Variants in GAK observed in about 807,000 individuals in gnomAD.
GAK encodes cyclin G associated kinase.
Under a neutral mutation model 143.9 loss-of-function variants are expected in GAK, and 79 were observed. The observed-to-expected ratio is 0.55, with a 90% CI of 0.46 to 0.66. GAK has a LOEUF of 0.66. Ranked by LOEUF, GAK falls within the 30% of genes least tolerant of loss-of-function variation. The pLI is 0.00. For synonymous variants in GAK, 881 were observed against 765.5 expected, an observed-to-expected ratio of 1.15 and a Z score of -2.49; for missense variants, 1,693 against 1,779.7, an observed-to-expected ratio of 0.95 and a Z score of 0.88.
At chr4:879,638 G>C (rs1191855037) in intron 15 of GAK, among the ~76,000 whole-genome samples, 1 of 152,180 alleles carries the variant, frequency 6.6e-6, no homozygotes, top group Non-Finnish European at 1.5e-5. Flanking sequence ...ATGCACCCGA[G>C]TGGGTTTTCA....
chr4:924,509 C>T (rs1191621055), intron 1 of GAK, among the ~76,000 whole-genome samples: 3 of 141,304 alleles, frequency 2.1e-5, no homozygotes, highest in African/African-American at 8.3e-5. Context: ...AAAAAATGTT[C>T]TCGGCACCTT....
At chr4:901,678 T>C (rs1719896505) in intron 5 of GAK, among the ~76,000 whole-genome samples, 1 of 152,144 alleles carries the variant, frequency 6.6e-6, no homozygotes. Context: ...GGGAGCAGGA[T>C]CTGAAACACA....
At chr4:889,253 C>G (rs1333350896) in intron 10 of GAK, among the ~76,000 whole-genome samples, 1 of 152,214 alleles carries the variant, frequency 6.6e-6, no homozygotes, top group African/African-American at 2.4e-5. Flanking sequence ...AATGGTCAAT[C>G]TGGGTGCGGA....
Position 859,619 on chromosome 4 carries a change from G to C in GAK, c.3270C>G (p.Ser1090Arg). 6.3e-7 allele frequency: 1 copy of C among 1,598,550 alleles called. No individual in the cohort carries two copies. Among genetic ancestry groups the C allele is most frequent in the Admixed American group, 1.7e-5 (1 of 59,760 alleles). ...PDPFADLGDLSSGLQGSPAGF... is the reference protein window; with the variant it reads ...PDPFADLGDLRSGLQGSPAGF... ...CCTCCACGTTACCTTGGAGGCCGGA[G>C]CTGAGGTCGCCAAGGTCAGCAAATG... The change falls in exon 24 of 28, where the codon AGC becomes AGG. Residue 1090 changes from serine to arginine, a missense_variant. By Grantham distance (110) the Ser-to-Arg change is moderately radical (BLOSUM62 -1). Coordinates refer to ENST00000314167, the MANE Select transcript of GAK (RefSeq NM_005255.4).
chr4:908,587 G>A lies in GAK; in HGVS notation c.382+3086C>T, dbSNP rs533940823. ...TGCTTGAGCTCGCGTGTTCAAGACC[G>A]GCCTGGCAACATAGTGAGACTCTGT... On this transcript the variant is annotated intron_variant, in intron 4 of 27. Coordinates refer to ENST00000314167, the MANE Select transcript of GAK (RefSeq NM_005255.4). 1.8e-4 allele frequency among the ~76,000 whole-genome samples: 26 copies of A among 142,540 alleles called. No individual in the cohort carries two copies. The East Asian group carries it at 3.2e-3, about 17-fold the overall frequency. 93.5% of individuals were successfully genotyped at this position (142,540 alleles called of 152,430 possible).
At chr4:868,976 A>G (rs1166974156) in intron 19 of GAK, 1 of 425,120 alleles carries the variant, frequency 2.4e-6, no homozygotes, top group Non-Finnish European at 4.4e-6. Context: ...TGCAGGGTAC[A>G]CATGAATGCA....
At chr4:874,049 G>A (rs1464168041) in intron 18 of GAK, among the ~76,000 whole-genome samples, 1 of 152,056 alleles carries the variant, frequency 6.6e-6, no homozygotes, top group African/African-American at 2.4e-5. Context: ...TCTGCCCTAG[G>A]GATTGGTACA....
intron 11 of GAK, 58 bp from the exon 12 acceptor site, chr4:884,144 C>T (rs1715760017): frequency 6.6e-7 from 1 of 1,508,508 alleles, no homozygotes; most frequent in Non-Finnish European, 9.2e-7. Context: ...AGTTAGGTCA[C>T]AGGGCTTAAG....
chr4:902,604 A>AAAAAAAAAAAAAC (rs1720112255), intron 5 of GAK, among the ~76,000 whole-genome samples: 4 of 149,746 alleles, frequency 2.7e-5, no homozygotes, highest in East Asian at 3.9e-4. Context: ...CTCAAAAAAA[A>AAAAAAAAAAAAAC]AAAAAAAAAA....
intron 11 of GAK, chr4:888,148 G>C (rs1240679175): frequency 3.3e-5 from 5 of 152,286 alleles, no homozygotes; most frequent in Non-Finnish European, 7.3e-5. Context: ...AGGGGCCGCA[G>C]TTCCTGCATC....
chr4:875,883 G>T (rs1221461077), intron 18 of GAK, among the ~76,000 whole-genome samples: 1 of 152,368 alleles, frequency 6.6e-6, no homozygotes, highest in East Asian at 1.9e-4. Flanking sequence ...TGGAGTTGCA[G>T]TGAGCCGAGA....
chr4:887,203 TCA>T (rs533823319), intron 11 of GAK: 86 of 132,094 alleles, frequency 6.5e-4, no homozygotes, highest in African/African-American at 2.4e-3. Flanking sequence ...GCTCGCGCAC[TCA>T]CGCGTACACA....
chr4:864,458 C>T (rs559945528), intron 23 of GAK, among the ~76,000 whole-genome samples: 3 of 152,338 alleles, frequency 2.0e-5, no homozygotes, highest in Non-Finnish European at 4.4e-5. Context: ...GGGGTGTTCG[C>T]TTTGACTGTG....
At chr4:911,950 G>C (rs548941139) in intron 3 of GAK, 163 bp from the exon 4 acceptor site, 20 of 567,520 alleles carry the variant, frequency 3.5e-5, no homozygotes, top group Non-Finnish European at 6.5e-5. Context: ...AGCAGTGGAC[G>C]ACCGAGAGAA....
At chr4:859,831 G>T in intron 23 of GAK, 109 bp from the exon 24 acceptor site, 1 of 786,320 alleles carries the variant, frequency 1.3e-6, no homozygotes, top group Non-Finnish European at 2.1e-6. Context: ...ACTCCTGCCT[G>T]AGAGCTGGCA....
At chr4:912,595 T>C in intron 3 of GAK, 140 bp downstream of exon 3, 1 of 609,380 alleles carries the variant, frequency 1.6e-6, no homozygotes, top group Non-Finnish European at 2.9e-6. Flanking sequence ...CAACTAGGTT[T>C]GGTAAAAGCA....
At chr4:898,601 C>T (rs903450205) in intron 5 of GAK, among the ~76,000 whole-genome samples, 1 of 152,246 alleles carries the variant, frequency 6.6e-6, no homozygotes, top group African/African-American at 2.4e-5. Flanking sequence ...GTGGCTCACG[C>T]CTGTAATCCC....
chr4:913,777 G>T, intron 1 of GAK, 109 bp from the exon 2 acceptor site: 2 of 951,268 alleles, frequency 2.1e-6, no homozygotes, highest in Non-Finnish European at 3.4e-6. Flanking sequence ...GGCGTGGCCA[G>T]CAGTTTTCTA....
At chr4:892,062 C>A (rs150412889) in intron 9 of GAK, among the ~76,000 whole-genome samples, 105 of 152,242 alleles carry the variant, frequency 6.9e-4, no homozygotes, top group Non-Finnish European at 1.1e-3. Flanking sequence ...GGTCTCTGTA[C>A]CCACGCGGCC....
Sources: allele counts gnomAD v4.1 joint callset (sites outside exome capture counted in the v4.1 genomes callset), GRCh38; gene constraint gnomAD v4.1.1; transcripts MANE v1.5; gene names NCBI Gene and HGNC (gene_info 2026-07-23, HGNC 2026-07-21).